Variants in VPS13C observed in about 807,000 individuals in gnomAD.
VPS13C encodes the protein intermembrane lipid transfer protein VPS13C.
A neutral mutation model predicts 456.8 loss-of-function variants in VPS13C; 358 were observed. The observed-to-expected ratio is 0.78, with a 90% CI of 0.72 to 0.86. The LOEUF (loss-of-function observed/expected upper bound fraction) is 0.86, where lower values mean the gene tolerates loss of function less well. VPS13C is among the 40% of genes least tolerant of loss of function. The probability of loss-of-function intolerance (pLI) is 0.00; values close to 1 mark genes in which losing one functional copy is unlikely to be tolerated. For missense variants in VPS13C, 4,818 were observed against 4,385.4 expected, an observed-to-expected ratio of 1.10 and a Z score of -2.79; for synonymous variants, 1,578 against 1,486.7, an observed-to-expected ratio of 1.06 and a Z score of -1.41.
chr15:61,932,717 A>G (rs1380437745), intron 49 of VPS13C, among the ~76,000 whole-genome samples: 1 of 152,228 alleles, frequency 6.6e-6, no homozygotes, highest in Non-Finnish European at 1.5e-5. Flanking sequence ...TCAGAATGAC[A>G]TTATTACTGG....
chr15:61,964,729 T>A lies in VPS13C; in HGVS notation c.3184A>T (p.Lys1062Ter). Residue 1062 changes from lysine (K) to a stop codon, truncating the protein, a stop_gained, in exon 31 of 85, where the codon AAA becomes TAA. Coordinates refer to ENST00000644861, the MANE Select transcript of VPS13C (RefSeq NM_020821.3). LOFTEE classifies it high-confidence loss of function. ...VAKEVQISTE[K>*]QQKNSTLPKA... ...GGCAGAGTTGAATTTTTTTGTTGTT[T>A]TTCAGTTGAAATTTGTACCTCCTTA... The A allele has an allele frequency of 6.2e-7, 1 of 1,606,620 alleles. No homozygotes were observed. The highest frequency in any genetic ancestry group is 1.7e-5 in the Admixed American group (1 of 58,360).
At chr15:61,911,805 T>C (rs2043308819) in intron 63 of VPS13C, 35 bp downstream of exon 63, 2 of 1,518,214 alleles carry the variant, frequency 1.3e-6, no homozygotes, top group Admixed American at 3.9e-5. Flanking sequence ...TATTTGTATA[T>C]TTTAGGAATC....
chr15:62,037,486 A>AAGAATATAATAAATTTATTATATTGTT, intron 3 of VPS13C, among the ~76,000 whole-genome samples: 1 of 110,536 alleles, frequency 9.0e-6, no homozygotes, highest in Non-Finnish European at 1.7e-5. Flanking sequence ...ATTATATTGT[A>AAGAATATAATAAATTTATTATATTGTT]AGAATATAAT....
Position 61,974,390 on chromosome 15 carries a change from C to T in VPS13C, c.2436G>A (p.Leu812=), listed in dbSNP as rs1268797131. The T allele has an allele frequency of 6.2e-7, 1 of 1,612,440 alleles. No individual in the cohort carries two copies. Among genetic ancestry groups the T allele is most frequent in the Non-Finnish European group, 8.5e-7 (1 of 1,178,950 alleles). ...ARFKVSGGLP[L]MHVRISDQKM... Reference sequence around the variant, plus strand: ...TCTGGTCAGAAATTCTCACATGCATCAAAGGAAGTCCTCCTGACACTTTAA... The same window carrying T: ...TCTGGTCAGAAATTCTCACATGCATTAAAGGAAGTCCTCCTGACACTTTAA... Residue 812 remains leucine, a synonymous_variant, in exon 25 of 85, where the codon TTG becomes TTA. Coordinates refer to ENST00000644861, the MANE Select transcript of VPS13C (RefSeq NM_020821.3).
chr15:61,979,087 T>C (rs1372720043), intron 22 of VPS13C, among the ~76,000 whole-genome samples: 2 of 152,102 alleles, frequency 1.3e-5, no homozygotes, highest in East Asian at 1.9e-4. Context: ...ACCCCCACCC[T>C]ACACCCTTCA....
At position 61,913,382 on chromosome 15, in the gene VPS13C, T is replaced by C. The variant is rs760506012; in HGVS notation, c.8479A>G (p.Ser2827Gly). The C allele has an allele frequency of 6.8e-6, 11 of 1,613,994 alleles. No homozygotes were observed. Among genetic ancestry groups the C allele is most frequent in the African/African-American group, 5.3e-5 (4 of 74,938 alleles). Residue 2827 changes from serine to glycine, a missense_variant, in exon 62 of 85, where the codon AGT (serine) becomes GGT (glycine). Ser to Gly is a moderately conservative substitution (Grantham distance 56, BLOSUM62 0). Transcript: ENST00000644861. The stretch of plus-strand genomic sequence containing the variant: ...CCCACTGTATCCAATGAGAAACTAC[T>C]GGACCAGGCACTGGTTGAAATTTTT... ...QLKISTSAWS[S>G]SFSLDTVGSY...
chr15:61,972,949 T>A (rs1193610617), intron 26 of VPS13C, among the ~76,000 whole-genome samples, 185 bp from the exon 27 acceptor site: 1 of 152,180 alleles, frequency 6.6e-6, no homozygotes, highest in Non-Finnish European at 1.5e-5. Context: ...ATAATCACAT[T>A]TGAAATCAAA....
intron 30 of VPS13C, among the ~76,000 whole-genome samples, chr15:61,965,344 CA>C (rs1480214784): frequency 2.0e-5 from 3 of 151,774 alleles, no homozygotes; most frequent in African/African-American, 7.2e-5. Flanking sequence ...TTTCAAATCA[CA>C]ATAATGGTGT....
intron 44 of VPS13C, 102 bp downstream of exon 44, chr15:61,946,205 G>A (rs1039599337): frequency 2.5e-5 from 23 of 904,802 alleles, no homozygotes; most frequent in Admixed American, 9.5e-5. Context: ...TAAAGTGCCT[G>A]GTACATGACA....
At chr15:61,967,287 A>T in intron 29 of VPS13C, 81 bp downstream of exon 29, 1 of 1,182,630 alleles carries the variant, frequency 8.5e-7, no homozygotes, top group Non-Finnish European at 1.2e-6. Context: ...CAGAGCCATT[A>T]GTAACTTACT....
At chr15:61,905,165 G>T (rs2043119284) in intron 66 of VPS13C, among the ~76,000 whole-genome samples, 1 of 152,074 alleles carries the variant, frequency 6.6e-6, no homozygotes, top group Admixed American at 6.6e-5. Flanking sequence ...AATGTTTCAG[G>T]TGATACGCCA....
At chr15:62,038,634 A>G (rs778564479) in intron 3 of VPS13C, among the ~76,000 whole-genome samples, 7 of 152,184 alleles carry the variant, frequency 4.6e-5, no homozygotes, top group Non-Finnish European at 1.0e-4. Context: ...AATCTTCTGC[A>G]CAGCAAAAGA....
intron 24 of VPS13C, among the ~76,000 whole-genome samples, chr15:61,976,203 G>T (rs1202177443): frequency 2.0e-5 from 3 of 151,932 alleles, no homozygotes; most frequent in Non-Finnish European, 4.4e-5. Context: ...ACCAAGTGAG[G>T]TTAATCGGTA....
At chr15:61,891,125 G>A (rs2042637725) in intron 66 of VPS13C, among the ~76,000 whole-genome samples, 1 of 152,114 alleles carries the variant, frequency 6.6e-6, no homozygotes, top group Non-Finnish European at 1.5e-5. Context: ...TATAACATAG[G>A]AAATATTTAT....
chr15:61,997,769 C>T (rs1033784744), intron 16 of VPS13C, among the ~76,000 whole-genome samples: 46 of 152,268 alleles, frequency 3.0e-4, no homozygotes, highest in African/African-American at 1.1e-3. Flanking sequence ...TGCAACCATT[C>T]TCAGTAAAGC....
chr15:61,872,236 G>A (rs1342789383), intron 78 of VPS13C, among the ~76,000 whole-genome samples: 1 of 152,118 alleles, frequency 6.6e-6, no homozygotes, highest in African/African-American at 2.4e-5. Context: ...AATCTTAAAT[G>A]AAAGCATTTT....
intron 18 of VPS13C, among the ~76,000 whole-genome samples, chr15:61,985,547 G>A (rs190854449): frequency 5.9e-5 from 9 of 152,212 alleles, no homozygotes; most frequent in East Asian, 5.8e-4. Flanking sequence ...GTGAGCCACC[G>A]TACCCAGCCC....
rs143214555 is a variant in VPS13C at position 61,918,163 on chromosome 15, T to C, written c.7733A>G (p.Glu2578Gly). The change falls in exon 59 of 85, where the codon GAG becomes GGG. Residue 2578 changes from glutamate (E) to glycine (G), a missense_variant. By Grantham distance (98) the Glu-to-Gly change is moderately conservative. This residue lies in a region of VPS13C where 4,552 missense variants were observed against 4,130.6 expected (regional missense o/e 1.10). Transcript: ENST00000644861. ...ERIGIARPEE[E>G]FHVPLDSYRC... ...ATATGAATCTAAAGGAACATGGAAC[T>C]CCTCTTCAGGTCTGGCTATCCCAAT... 6.3e-7 allele frequency: 1 copy of C among 1,597,956 alleles called. No homozygotes were observed. Among genetic ancestry groups the C allele is most frequent in the Non-Finnish European group, 8.5e-7 (1 of 1,174,738 alleles).
intron 65 of VPS13C, among the ~76,000 whole-genome samples, chr15:61,907,979 A>T (rs2043197602): frequency 6.6e-6 from 1 of 152,186 alleles, no homozygotes; most frequent in Non-Finnish European, 1.5e-5. Context: ...CAAAAAAATT[A>T]TGTTCACACT....
Sources: gnomAD v4.1 joint callset for allele counts (sites outside exome capture counted in the v4.1 genomes callset) on GRCh38, gnomAD v4.1.1 for gene constraint, gnomAD v4.1.1 regional missense constraint, MANE v1.5 for transcripts, NCBI Gene and HGNC (gene_info 2026-07-23, HGNC 2026-07-21) for gene names.